CADM2: variants seen among roughly 807,000 people sequenced by gnomAD.
The protein encoded by CADM2 is cell adhesion molecule 2.
CADM2 carries 12 observed loss-of-function variants against 49.8 expected under a neutral mutation model. The ratio of observed to expected loss-of-function variants is 0.24; its 90% CI spans 0.15 to 0.39. The LOEUF is 0.39. CADM2 is among the 10% of genes least tolerant of loss of function. CADM2 has a pLI of 1.00. For synonymous variants in CADM2, 214 were observed against 175.4 expected (o/e 1.22, Z -1.74); for missense variants, 378 against 492.3 (o/e 0.77, Z 2.20).
chr3:85,638,494 A>G (rs1167299874), intron 1 of CADM2, among the ~76,000 whole-genome samples: 1 of 152,084 alleles, frequency 6.6e-6, no homozygotes, highest in Non-Finnish European at 1.5e-5. Flanking sequence ...TGCTTTCTAA[A>G]CAGTTTTTAT....
chr3:85,374,580 T>C (rs1185891413), intron 1 of CADM2, among the ~76,000 whole-genome samples: 1 of 152,150 alleles, frequency 6.6e-6, no homozygotes, highest in Non-Finnish European at 1.5e-5. Context: ...AGTTCATTTT[T>C]ATACTGCTGT....
intron 1 of CADM2, among the ~76,000 whole-genome samples, chr3:84,971,081 A>C (rs1248854): frequency 0.96 from 146,040 of 152,140 alleles, 70,135 homozygotes; most frequent in East Asian, 1. Flanking sequence ...CTATACCTTC[A>C]TATTTTCAAG....
intron 8 of CADM2, among the ~76,000 whole-genome samples, chr3:85,966,866 A>G (rs1725540592): frequency 6.6e-6 from 1 of 151,694 alleles, no homozygotes; most frequent in African/African-American, 2.4e-5. Flanking sequence ...AGTAACATAT[A>G]TAGAGAATAG....
At chr3:85,727,891 A>C (rs955997840) in intron 2 of CADM2, among the ~76,000 whole-genome samples, 1 of 152,172 alleles carries the variant, frequency 6.6e-6, no homozygotes, top group African/African-American at 2.4e-5. Context: ...AAAGGTCTGG[A>C]AACAGGAGTG....
intron 1 of CADM2, among the ~76,000 whole-genome samples, chr3:85,080,258 G>A (rs1033655360): frequency 1.3e-5 from 2 of 151,934 alleles, no homozygotes; most frequent in Non-Finnish European, 2.9e-5. Context: ...TTCATTACAT[G>A]CCTCTTAACT....
rs565348548 is a variant in CADM2, at chr3:85,751,135, G to A, written c.88+24587G>A. ...CATTCAGCTGGGAAGAAACCCGAGA[G>A]GTGAGGCAAAAACTGGGTAGGGGCA... On this transcript the variant is annotated intron_variant, in intron 2 of 9. Coordinates refer to ENST00000383699, the MANE Select transcript of CADM2 (RefSeq NM_001167675.2). 2.6e-5 allele frequency among the ~76,000 whole-genome samples: 4 copies of A among 152,130 alleles called. No homozygotes were observed. The South Asian group carries it at 8.3e-4, about 32-fold the overall frequency.
At chr3:85,646,841 T>C (rs2064903275) in intron 1 of CADM2, among the ~76,000 whole-genome samples, 1 of 151,920 alleles carries the variant, frequency 6.6e-6, no homozygotes, top group Non-Finnish European at 1.5e-5. Flanking sequence ...ATCAATCTAA[T>C]CTATTTTGTC....
At chr3:85,754,912 A>T (rs915067157) in intron 2 of CADM2, among the ~76,000 whole-genome samples, 2 of 152,226 alleles carry the variant, frequency 1.3e-5, no homozygotes, top group African/African-American at 2.4e-5. Flanking sequence ...AGAAAAATGA[A>T]ATAGAAATAT....
intron 7 of CADM2, among the ~76,000 whole-genome samples, chr3:85,955,702 T>A (rs905168427): frequency 7.9e-5 from 12 of 151,474 alleles, no homozygotes; most frequent in African/African-American, 2.4e-4. Flanking sequence ...AAAATCAACA[T>A]CTGAGAGACT....
At chr3:85,760,803 C>A (rs1247853983) in intron 2 of CADM2, among the ~76,000 whole-genome samples, 2 of 151,954 alleles carry the variant, frequency 1.3e-5, no homozygotes, top group Admixed American at 1.3e-4. Context: ...GTATACATTT[C>A]CTTGGAAGGT....
At chr3:85,321,758 G>T (rs2044618071) in intron 1 of CADM2, among the ~76,000 whole-genome samples, 1 of 152,104 alleles carries the variant, frequency 6.6e-6, no homozygotes, top group South Asian at 2.1e-4. Flanking sequence ...AAGAGGAAAA[G>T]AAGCCTAAGG....
chr3:85,226,311 G>A (rs1325318389), intron 1 of CADM2, among the ~76,000 whole-genome samples: 1 of 151,272 alleles, frequency 6.6e-6, no homozygotes, highest in Admixed American at 6.6e-5. Flanking sequence ...TCTGTTATTG[G>A]TCTATTCAGA....
At chr3:85,562,476 C>A (rs2062122038) in intron 1 of CADM2, among the ~76,000 whole-genome samples, 1 of 62,326 alleles carries the variant, frequency 1.6e-5, no homozygotes. Context: ...GAAACTCCAT[C>A]TCAAAAAAAA....
intron 1 of CADM2, among the ~76,000 whole-genome samples, chr3:84,982,950 T>A (rs889693764): frequency 6.7e-6 from 1 of 148,650 alleles, no homozygotes; most frequent in Non-Finnish European, 1.5e-5. Context: ...GGTTTCACCA[T>A]GTTAGCCATG....
At chr3:85,026,442 A>G (rs1269086676) in intron 1 of CADM2, among the ~76,000 whole-genome samples, 1 of 152,220 alleles carries the variant, frequency 6.6e-6, no homozygotes, top group Non-Finnish European at 1.5e-5. Context: ...CTATTGCAAT[A>G]TAGCAGAATA....
chr3:85,432,645 T>A (rs1458575184), intron 1 of CADM2, among the ~76,000 whole-genome samples: 1 of 152,172 alleles, frequency 6.6e-6, no homozygotes, highest in Non-Finnish European at 1.5e-5. Context: ...CAAAGTTTGC[T>A]GAAAATACAA....
intron 1 of CADM2, among the ~76,000 whole-genome samples, chr3:85,610,582 C>A (rs1295101606): frequency 6.6e-6 from 1 of 151,816 alleles, no homozygotes. Flanking sequence ...TGCATGGAAA[C>A]TAAGGTATAA....
At chr3:85,549,347 A>C (rs552994243) in intron 1 of CADM2, among the ~76,000 whole-genome samples, 1 of 152,340 alleles carries the variant, frequency 6.6e-6, no homozygotes, top group South Asian at 2.1e-4. Context: ...CTGGAAAAAA[A>C]CAAATTGAGA....
intron 1 of CADM2, among the ~76,000 whole-genome samples, chr3:85,122,949 T>C (rs1363518453): frequency 6.6e-6 from 1 of 152,138 alleles, no homozygotes; most frequent in Non-Finnish European, 1.5e-5. Context: ...TGTTCACCTC[T>C]ATCCTCTTCA....
Sources: gnomAD v4.1 joint callset for allele counts (sites outside exome capture counted in the v4.1 genomes callset) on GRCh38, gnomAD v4.1.1 for gene constraint, MANE v1.5 for transcripts, NCBI Gene and HGNC (gene_info 2026-07-23, HGNC 2026-07-21) for gene names.